Variants in NELL1 observed in about 807,000 individuals in gnomAD.
The protein encoded by NELL1 is neural EGFL like 1, also known as protein kinase C-binding protein NELL1.
In NELL1, 76 loss-of-function variants were observed where a neutral mutation model predicts 107.4. The observed-to-expected ratio is 0.71, with a 90% CI of 0.59 to 0.86. NELL1 has a LOEUF of 0.86. Ranked by LOEUF, NELL1 falls within the 40% of genes least tolerant of loss-of-function variation. NELL1 has a pLI of 0.00. For synonymous variants in NELL1, 353 were observed against 341.2 expected, an observed-to-expected ratio of 1.03 and a Z score of -0.38; for missense variants, 1,024 against 1,005.5, an observed-to-expected ratio of 1.02 and a Z score of -0.25.
At chr11:21,116,864 A>G (rs1381579791) in intron 13 of NELL1, among the ~76,000 whole-genome samples, 2 of 152,028 alleles carry the variant, frequency 1.3e-5, no homozygotes, top group African/African-American at 4.8e-5. Flanking sequence ...TAGCAGACAG[A>G]GCAATTTTTT....
intron 13 of NELL1, among the ~76,000 whole-genome samples, chr11:21,131,992 C>G (rs1351538111): frequency 5.9e-5 from 9 of 152,070 alleles, no homozygotes; most frequent in Non-Finnish European, 1.2e-4. Context: ...AGCTGGTCTC[C>G]CCTTTGAAGT....
intron 15 of NELL1, among the ~76,000 whole-genome samples, chr11:21,516,289 A>G (rs1011763159): frequency 6.6e-6 from 1 of 152,304 alleles, no homozygotes. Context: ...ATAGGCATTG[A>G]AAAAACTATT....
chr11:20,768,765 G>A (rs903401945), intron 2 of NELL1, among the ~76,000 whole-genome samples: 5 of 152,128 alleles, frequency 3.3e-5, no homozygotes, highest in African/African-American at 1.2e-4. Context: ...CACGACCCAA[G>A]GGAAGCTGAA....
chr11:21,251,997 A>T (rs1858650511), intron 14 of NELL1, among the ~76,000 whole-genome samples: 1 of 152,174 alleles, frequency 6.6e-6, no homozygotes, highest in South Asian at 2.1e-4. Context: ...ACAGGCACAC[A>T]CAGAAATTAA....
At chr11:20,868,719 T>C (rs772133103) in intron 4 of NELL1, among the ~76,000 whole-genome samples, 14 of 152,138 alleles carry the variant, frequency 9.2e-5, no homozygotes, top group Non-Finnish European at 1.9e-4. Flanking sequence ...ATATACATAT[T>C]GAGTAGGTCC....
chr11:20,945,709 T>C (rs1020193752), intron 10 of NELL1, among the ~76,000 whole-genome samples: 1 of 152,194 alleles, frequency 6.6e-6, no homozygotes, highest in African/African-American at 2.4e-5. Context: ...TGGTAATAAC[T>C]GGTTTGATTC....
At chr11:20,688,170 T>A (rs1854355665) in intron 2 of NELL1, among the ~76,000 whole-genome samples, 1 of 150,336 alleles carries the variant, frequency 6.7e-6, no homozygotes, top group South Asian at 2.1e-4. Flanking sequence ...GAGGCTACTA[T>A]GAGAGAGAAC....
At chr11:21,343,314 G>A (rs1850616918) in intron 14 of NELL1, among the ~76,000 whole-genome samples, 1 of 151,794 alleles carries the variant, frequency 6.6e-6, no homozygotes, top group Non-Finnish European at 1.5e-5. Flanking sequence ...TCATGATCTC[G>A]TTGCTCAACG....
At chr11:20,961,063 C>T (rs1851279936) in intron 12 of NELL1, among the ~76,000 whole-genome samples, 1 of 152,142 alleles carries the variant, frequency 6.6e-6, no homozygotes, top group South Asian at 2.1e-4. Context: ...CCAATCTCTA[C>T]TAAAAGTCAC....
chr11:21,516,760 C>G (rs975410062), intron 15 of NELL1, among the ~76,000 whole-genome samples: 1 of 118,124 alleles, frequency 8.5e-6, no homozygotes, highest in Non-Finnish European at 1.9e-5. Flanking sequence ...CACACACACA[C>G]AGACACACAC....
intron 12 of NELL1, among the ~76,000 whole-genome samples, chr11:21,024,335 T>C (rs1852766776): frequency 5.3e-5 from 8 of 152,140 alleles, no homozygotes; most frequent in Admixed American, 5.2e-4. Flanking sequence ...GACTACATTG[T>C]CTGTTTTATG....
chr11:20,712,309 T>TC (rs1855133748), intron 2 of NELL1, among the ~76,000 whole-genome samples: 1 of 152,108 alleles, frequency 6.6e-6, no homozygotes, highest in African/African-American at 2.4e-5. Flanking sequence ...AATTATAATT[T>TC]TTTTTATGGT....
At position 20,744,789 on chromosome 11, in the gene NELL1, C is replaced by G. The variant is rs1855967345; in HGVS notation, c.185-38891C>G. Among the ~76,000 whole-genome samples, 2 of 152,206 alleles carry G rather than the reference C, an allele frequency of 1.3e-5. 1 individual carries two copies. Among genetic ancestry groups the G allele is most frequent in the South Asian group, 4.1e-4 (2 of 4,834 alleles). On this transcript the variant is annotated intron_variant, in intron 2 of 19. Coordinates refer to ENST00000357134, the MANE Select transcript of NELL1 (RefSeq NM_006157.5). ...ACATCAGGGGCCATGGTAATATGTT[C>G]TGTCCACAGTGGGAGTAGGGAGGGA...
intron 14 of NELL1, among the ~76,000 whole-genome samples, chr11:21,336,122 T>C (rs1850389056): frequency 6.6e-6 from 1 of 152,034 alleles, no homozygotes; most frequent in South Asian, 2.1e-4. Flanking sequence ...AGCCTCAGTG[T>C]TTTTTTCGTA....
intron 15 of NELL1, among the ~76,000 whole-genome samples, chr11:21,522,821 AT>A (rs202136380): frequency 1.1e-5 from 1 of 94,174 alleles, no homozygotes; most frequent in Non-Finnish European, 2.3e-5. Context: ...CTTGAATCCT[AT>A]TTTTTTCTTT....
chr11:21,061,477 G>A (rs574721621), intron 12 of NELL1, among the ~76,000 whole-genome samples: 1 of 152,288 alleles, frequency 6.6e-6, no homozygotes, highest in Non-Finnish European at 1.5e-5. Flanking sequence ...GTTTTAGTTA[G>A]GAAGTTAGAC....
chr11:20,988,627 G>A (rs1014684182), intron 12 of NELL1, among the ~76,000 whole-genome samples: 1 of 150,692 alleles, frequency 6.6e-6, no homozygotes, highest in Non-Finnish European at 1.5e-5. Flanking sequence ...TTGAGACGCT[G>A]TCACCCAGGC....
At chr11:20,948,135 T>G (rs1851001250) in intron 11 of NELL1, among the ~76,000 whole-genome samples, 1 of 152,112 alleles carries the variant, frequency 6.6e-6, no homozygotes, top group Admixed American at 6.5e-5. Context: ...CTTGAACTCC[T>G]GGGCCCAAGC....
intron 7 of NELL1, among the ~76,000 whole-genome samples, chr11:20,925,123 G>C (rs2896618): frequency 0.049 from 7,401 of 152,140 alleles, 430 homozygotes; most frequent in East Asian, 0.13. Flanking sequence ...TTCAGATTTT[G>C]GTATCTGCAA....
Sources: gnomAD v4.1 joint callset for allele counts (sites outside exome capture counted in the v4.1 genomes callset) on GRCh38, gnomAD v4.1.1 for gene constraint, MANE v1.5 for transcripts, NCBI Gene and HGNC (gene_info 2026-07-23, HGNC 2026-07-21) for gene names.